ABCA8: variants seen among roughly 807,000 people sequenced by gnomAD.
ABCA8 encodes the protein ABC-type organic anion transporter ABCA8.
ABCA8 carries 177 observed loss-of-function variants against 192.3 expected under a neutral mutation model. That is an observed-to-expected ratio of 0.92 (90% CI 0.81 to 1.04). The LOEUF is 1.04. ABCA8 is among the 50% of genes least tolerant of loss of function. ABCA8 has a pLI of 0.00. For missense variants in ABCA8, 1,915 were observed against 1,904.8 expected, an observed-to-expected ratio of 1.01 and a Z score of -0.10; for synonymous variants, 642 against 690.2, an observed-to-expected ratio of 0.93 and a Z score of 1.09.
chr17:68,940,293 G>C (rs1438284156), intron 4 of ABCA8, among the ~76,000 whole-genome samples: 2 of 152,066 alleles, frequency 1.3e-5, no homozygotes, highest in Admixed American at 6.6e-5. Context: ...ACATGTTTTT[G>C]GTGTTAAAAG....
chr17:68,888,885 C>G (rs369813973), intron 24 of ABCA8, among the ~76,000 whole-genome samples: 114 of 152,138 alleles, frequency 7.5e-4, no homozygotes, highest in African/African-American at 1.9e-3. Flanking sequence ...AGAAGACAGC[C>G]AAGGGCCAAT....
intron 20 of ABCA8, 146 bp downstream of exon 20, chr17:68,903,155 C>G (rs1342041911): frequency 1.1e-6 from 1 of 899,400 alleles, no homozygotes; most frequent in Non-Finnish European, 1.7e-6. Flanking sequence ...TTCTGCCTCT[C>G]TCCTGTGCTT....
At chr17:68,873,352 C>T (rs2066114519) in intron 37 of ABCA8, among the ~76,000 whole-genome samples, 1 of 152,174 alleles carries the variant, frequency 6.6e-6, no homozygotes, top group Admixed American at 6.5e-5. Flanking sequence ...TGTGTAAATT[C>T]ACTCAGTGAT....
At chr17:68,883,319 T>A (rs1386826684) in intron 29 of ABCA8, among the ~76,000 whole-genome samples, 1 of 152,208 alleles carries the variant, frequency 6.6e-6, no homozygotes, top group East Asian at 1.9e-4. Flanking sequence ...ATGCTTATGG[T>A]CACTCTTCTT....
Position 68,893,357 on chromosome 17 carries a change from T to C in ABCA8, c.3036+816A>G, listed in dbSNP as rs1190247971. Among the ~76,000 whole-genome samples the C allele has an allele frequency of 5.9e-5, 9 of 152,210 alleles. 1 individual carries two copies. The East Asian group carries it at 1.7e-3, about 29-fold the overall frequency. ...AAGGGCTATATACATTCCGATCACT[T>C]GGACCTTTGTTTAAGAATAGATTCC... On this transcript the variant is annotated intron_variant, in intron 23 of 39. Coordinates refer to ENST00000586539, the MANE Select transcript of ABCA8 (RefSeq NM_001288985.2).
chr17:68,876,286 A>G, intron 35 of ABCA8, 174 bp downstream of exon 35: 1 of 733,496 alleles, frequency 1.4e-6, no homozygotes, highest in South Asian at 1.9e-5. Context: ...TGGTTGTAAA[A>G]TATCATCAGG....
chr17:68,894,789 T>G, intron 22 of ABCA8, 91 bp downstream of exon 22: 1 of 1,395,612 alleles, frequency 7.2e-7, no homozygotes, highest in Non-Finnish European at 9.7e-7. Flanking sequence ...TATTTGCTTT[T>G]CATTTTTATT....
Position 68,940,772 on chromosome 17 carries a change from GTAGA to G in ABCA8, c.283_286del (p.Ser95LeufsTer29), listed in dbSNP as rs1567881929. 1 of 1,613,244 alleles carries G rather than the reference GTAGA, an allele frequency of 6.2e-7. No homozygotes were observed. The highest frequency in any genetic ancestry group is 2.2e-5 in the East Asian group (1 of 44,848). ...AGAAAACTTACCTGCCAGGAAGGGAGTAGAGGCTACTTTATTCATTATCTGTTGG... is the reference window on the plus strand; with the variant it reads ...AGAAAACTTACCTGCCAGGAAGGGAGGGCTACTTTATTCATTATCTGTTGG... On this transcript the variant is annotated frameshift_variant, in exon 4 of 40. Coordinates refer to ENST00000586539, the MANE Select transcript of ABCA8 (RefSeq NM_001288985.2). LOFTEE classifies it high-confidence loss of function.
chr17:68,953,494 A>C (rs1201998525), intron 1 of ABCA8, among the ~76,000 whole-genome samples: 2 of 152,180 alleles, frequency 1.3e-5, no homozygotes, highest in East Asian at 3.8e-4. Flanking sequence ...AACAGAAGGC[A>C]CATTAGCCAC....
At chr17:68,872,170 T>C (rs1179571014) in intron 37 of ABCA8, among the ~76,000 whole-genome samples, 2 of 151,698 alleles carry the variant, frequency 1.3e-5, no homozygotes, top group Non-Finnish European at 2.9e-5. Context: ...AGCAAAGACT[T>C]GGAACCAACC....
chr17:68,938,612 C>T (rs191933908), intron 4 of ABCA8, among the ~76,000 whole-genome samples: 12 of 152,084 alleles, frequency 7.9e-5, no homozygotes, highest in African/African-American at 2.9e-4. Flanking sequence ...ATAATATTCA[C>T]CCTTTTAATA....
chr17:68,883,645 G>A, intron 29 of ABCA8, 146 bp downstream of exon 29: 1 of 572,956 alleles, frequency 1.7e-6, no homozygotes, highest in African/African-American at 1.9e-5. Flanking sequence ...TAGGTATCTG[G>A]ATCTGTATTA....
At chr17:68,926,070 A>T (rs1005915365) in intron 10 of ABCA8, among the ~76,000 whole-genome samples, 4 of 152,228 alleles carry the variant, frequency 2.6e-5, no homozygotes, top group African/African-American at 9.6e-5. Context: ...CAGCCATGAA[A>T]ATGTAACAAT....
intron 8 of ABCA8, 39 bp downstream of exon 8, chr17:68,929,522 C>A (rs764551291): frequency 5.0e-6 from 8 of 1,592,324 alleles, no homozygotes; most frequent in East Asian, 4.5e-5. Context: ...AATTTTTAGG[C>A]TATAGGTGGA....
At position 68,947,890 on chromosome 17, in the gene ABCA8, C is replaced by T. The variant is rs553300252; in HGVS notation, c.-6+1422G>A. On this transcript the variant is annotated intron_variant, in intron 2 of 39. Coordinates refer to ENST00000586539, the MANE Select transcript of ABCA8 (RefSeq NM_001288985.2). ...AGGTATTTGTTCTAATGCCCTTCAT[C>T]CCCTTGCCCTCTACCCCTCAACAGG... Among the ~76,000 whole-genome samples, 12 of 152,232 alleles carry T rather than the reference C, an allele frequency of 7.9e-5. No individual in the cohort carries two copies. The South Asian group carries it at 2.5e-3, about 32-fold the overall frequency.
At chr17:68,935,293 T>TGTGTGTGTGTGTGTGTGTGTGTGTGTGTG (rs1491187643) in intron 5 of ABCA8, among the ~76,000 whole-genome samples, 4 of 149,360 alleles carry the variant, frequency 2.7e-5, no homozygotes, top group African/African-American at 9.9e-5. Context: ...TGTGTGTGTG[T>TGTGTGTGTGTGTGTGTGTGTGTGTGTGTG]TTCAGTAGAG....
At chr17:68,893,960 T>C in intron 23 of ABCA8, 1 of 426,468 alleles carries the variant, frequency 2.3e-6, no homozygotes, top group Admixed American at 3.3e-5. Flanking sequence ...TTATTCTCTT[T>C]GAAAAATGTT....
chr17:68,954,590 GA>G (rs2068663064), intron 1 of ABCA8, among the ~76,000 whole-genome samples: 1 of 152,224 alleles, frequency 6.6e-6, no homozygotes, highest in East Asian at 1.9e-4. Flanking sequence ...ATAGGAGTAT[GA>G]AAATTCTTTT....
At chr17:68,944,359 T>TACAC (rs3046797) in intron 2 of ABCA8, among the ~76,000 whole-genome samples, 7,462 of 67,404 alleles carry the variant, frequency 0.11, 1,035 homozygotes, top group Non-Finnish European at 0.14. Flanking sequence ...TATATATATA[T>TACAC]ACACATATAC....
Sources: gnomAD v4.1 joint callset for allele counts (sites outside exome capture counted in the v4.1 genomes callset) on GRCh38, gnomAD v4.1.1 for gene constraint, MANE v1.5 for transcripts, NCBI Gene and HGNC (gene_info 2026-07-23, HGNC 2026-07-21) for gene names.